Variants in ZNF423 observed in about 807,000 individuals in gnomAD.
ZNF423 encodes Ebf-associated zinc finger protein.
In ZNF423, 12 loss-of-function variants were observed where a neutral mutation model predicts 95.8. The observed-to-expected ratio is 0.13, with a 90% CI of 0.08 to 0.20. The LOEUF is 0.20. Among genes scored for constraint, ZNF423 ranks in the 10% least tolerant of loss-of-function variants. The probability of loss-of-function intolerance (pLI) is 1.00; values close to 1 mark genes in which losing one functional copy is unlikely to be tolerated. For synonymous variants in ZNF423, 749 were observed against 711.9 expected (o/e 1.05, Z -0.83); for missense variants, 1,316 against 1,737.1 (o/e 0.76, Z 4.31).
Position 49,635,829 on chromosome 16 carries a change from G to A in ZNF423, c.3347C>T (p.Ala1116Val), listed in dbSNP as rs1383533499. The A allele has an allele frequency of 1.4e-5, 22 of 1,607,060 alleles. No homozygotes were observed. Among genetic ancestry groups the A allele is most frequent in the Non-Finnish European group, 1.8e-5 (21 of 1,177,452 alleles). The change falls in exon 4 of 8, where the codon GCC becomes GTC. Residue 1116 changes from alanine (A) to valine (V), a missense_variant. Coordinates refer to ENST00000563137, the MANE Select transcript of ZNF423 (RefSeq NM_001379286.1). This position sits in a 1 kb window ranked among gnomAD's most constrained non-coding sequence, Gnocchi z 4.8. ...RSANGQVGGLAPPEPADRPCA... is the reference protein window; with the variant it reads ...RSANGQVGGLVPPEPADRPCA... Reference sequence around the variant, plus strand: ...GGGCCGGTCGGCGGGCTCGGGCGGGGCCAGGCCACCCACCTGTCCGTTGGC... The same window carrying A: ...GGGCCGGTCGGCGGGCTCGGGCGGGACCAGGCCACCCACCTGTCCGTTGGC...
At chr16:49,710,416 AT>A (rs2032506137) in intron 3 of ZNF423, among the ~76,000 whole-genome samples, 3 of 152,192 alleles carry the variant, frequency 2.0e-5, no homozygotes, top group Admixed American at 1.3e-4. Context: ...GTCTGTTCAA[AT>A]GGAACTGCAT....
intron 3 of ZNF423, among the ~76,000 whole-genome samples, chr16:49,727,781 G>A (rs1273877972): frequency 2.0e-5 from 3 of 152,202 alleles, no homozygotes; most frequent in Non-Finnish European, 4.4e-5. Flanking sequence ...AGACCCTCTG[G>A]TTCCTACAGA....
intron 3 of ZNF423, among the ~76,000 whole-genome samples, chr16:49,698,667 C>T (rs1475230738): frequency 6.6e-6 from 1 of 152,098 alleles, no homozygotes; most frequent in Non-Finnish European, 1.5e-5. Context: ...GGCGCCTGCT[C>T]CACATTCCCC....
chr16:49,805,654 G>GT (rs745577888), intron 1 of ZNF423, among the ~76,000 whole-genome samples: 1 of 152,236 alleles, frequency 6.6e-6, no homozygotes, highest in Non-Finnish European at 1.5e-5. Flanking sequence ...GAACCCTCCA[G>GT]TGACCAGTCT....
chr16:49,720,264 G>A (rs1419304575), intron 3 of ZNF423, among the ~76,000 whole-genome samples: 7 of 152,340 alleles, frequency 4.6e-5, no homozygotes, highest in South Asian at 4.1e-4. Context: ...TGTGAGGTCC[G>A]TGGGTCTGGA....
At chr16:49,775,031 C>A (rs1475518737) in intron 2 of ZNF423, among the ~76,000 whole-genome samples, 1 of 152,154 alleles carries the variant, frequency 6.6e-6, no homozygotes, top group Non-Finnish European at 1.5e-5. Flanking sequence ...CCCACCAGCC[C>A]CCAGACGCAG....
chr16:49,562,883 A>T (rs1970063679), intron 5 of ZNF423, among the ~76,000 whole-genome samples: 1 of 151,970 alleles, frequency 6.6e-6, no homozygotes, highest in South Asian at 2.1e-4. Flanking sequence ...GGTTCAAGCG[A>T]TTCTCCTGCC....
intron 5 of ZNF423, among the ~76,000 whole-genome samples, chr16:49,594,640 G>A (rs886815005): frequency 1.3e-5 from 2 of 152,018 alleles, no homozygotes; most frequent in African/African-American, 4.8e-5. Flanking sequence ...CAAACACAAA[G>A]CACAGAAAGA....
At chr16:49,748,405 G>A (rs569386157) in intron 2 of ZNF423, among the ~76,000 whole-genome samples, 58 of 152,324 alleles carry the variant, frequency 3.8e-4, no homozygotes, top group African/African-American at 1.3e-3. Flanking sequence ...TGCTGAGATT[G>A]TGAGTCATGG....
chr16:49,815,329 C>T (rs527294676), intron 1 of ZNF423, among the ~76,000 whole-genome samples: 2 of 152,224 alleles, frequency 1.3e-5, no homozygotes, highest in East Asian at 1.9e-4. Flanking sequence ...GATCTCGATA[C>T]GGGGTCAGGA....
chr16:49,714,263 T>G, intron 3 of ZNF423, among the ~76,000 whole-genome samples: 1 of 152,112 alleles, frequency 6.6e-6, no homozygotes, highest in Admixed American at 6.5e-5. Context: ...CTTACCTCCT[T>G]ATTATCTGTT....
At chr16:49,503,252 C>T (rs911100074) in intron 7 of ZNF423, among the ~76,000 whole-genome samples, 1 of 152,180 alleles carries the variant, frequency 6.6e-6, no homozygotes, top group African/African-American at 2.4e-5. Flanking sequence ...TGAAGGCCCC[C>T]TTCCTGGCAA....
chr16:49,496,222 C>T (rs1266565136), intron 7 of ZNF423, among the ~76,000 whole-genome samples: 3 of 152,172 alleles, frequency 2.0e-5, no homozygotes, highest in African/African-American at 7.2e-5. Flanking sequence ...AGTTCTGTGA[C>T]CTCCGGGTTT....
chr16:49,599,772 G>A (rs1001469932), intron 5 of ZNF423, among the ~76,000 whole-genome samples: 1 of 152,176 alleles, frequency 6.6e-6, no homozygotes, highest in African/African-American at 2.4e-5. Flanking sequence ...AGGATGCATG[G>A]GGCGATTCAA....
chr16:49,811,040 G>A (rs2034743417), intron 1 of ZNF423, among the ~76,000 whole-genome samples: 2 of 152,180 alleles, frequency 1.3e-5, no homozygotes, highest in Admixed American at 6.5e-5. Context: ...CAGGCTCAGG[G>A]GGCCCTCAGA....
At chr16:49,529,808 G>C (rs1236315197) in intron 5 of ZNF423, among the ~76,000 whole-genome samples, 1 of 152,142 alleles carries the variant, frequency 6.6e-6, no homozygotes, top group Non-Finnish European at 1.5e-5. Context: ...CTGCAGCGGG[G>C]TGTGGACGGG....
chr16:49,821,712 CT>C (rs1043592629), intron 1 of ZNF423, among the ~76,000 whole-genome samples: 5 of 152,192 alleles, frequency 3.3e-5, no homozygotes, highest in Non-Finnish European at 7.3e-5. Flanking sequence ...TCCTCTGCCC[CT>C]GCTGCTCTCT....
chr16:49,697,876 G>A (rs1049581168), intron 3 of ZNF423, among the ~76,000 whole-genome samples: 1 of 152,270 alleles, frequency 6.6e-6, no homozygotes, highest in East Asian at 1.9e-4. Context: ...CATTGTTGGG[G>A]AGCAATGCCT....
intron 3 of ZNF423, among the ~76,000 whole-genome samples, chr16:49,702,698 C>T (rs548790677): frequency 6.6e-6 from 1 of 152,316 alleles, no homozygotes; most frequent in Non-Finnish European, 1.5e-5. Context: ...TGAGAGGCTC[C>T]GAGGAATTAG....
Sources: allele counts gnomAD v4.1 joint callset (sites outside exome capture counted in the v4.1 genomes callset), GRCh38; gene constraint gnomAD v4.1.1; non-coding constraint Gnocchi (gnomAD v3.1); transcripts MANE v1.5; gene names NCBI Gene and HGNC (gene_info 2026-07-23, HGNC 2026-07-21).